Variants in AP5M1 observed in about 807,000 individuals in gnomAD.
The protein encoded by AP5M1 is AP-5 complex subunit mu-1.
Under a neutral mutation model 52.3 loss-of-function variants are expected in AP5M1, and 44 were observed. The observed-to-expected ratio is 0.84, with a 90% CI of 0.66 to 1.08. AP5M1 has a LOEUF of 1.08. Among genes scored for constraint, AP5M1 ranks in the 50% least tolerant of loss-of-function variants. The pLI is 0.00. For missense variants in AP5M1, 526 were observed against 568.4 expected (o/e 0.93, Z 0.76); for synonymous variants, 213 against 199.0 (o/e 1.07, Z -0.59).
intron 4 of AP5M1, among the ~76,000 whole-genome samples, chr14:57,282,681 A>ATTAATACATTT: frequency 1.3e-5 from 2 of 152,342 alleles, no homozygotes; most frequent in Admixed American, 1.3e-4. Context: ...ATGTGACCGT[A>ATTAATACATTT]TTAATACATT....
At chr14:57,283,454 G>A (rs1378648576) in intron 6 of AP5M1, among the ~76,000 whole-genome samples, 1 of 152,170 alleles carries the variant, frequency 6.6e-6, no homozygotes, top group African/African-American at 2.4e-5. Flanking sequence ...CAGGCATAGT[G>A]GCGGGATGTC....
intron 7 of AP5M1, 65 bp from the exon 8 acceptor site, chr14:57,288,737 G>A (rs1885367987): frequency 1.0e-6 from 1 of 955,450 alleles, no homozygotes; most frequent in South Asian, 1.4e-5. Context: ...CAAAAATCAT[G>A]ACTTTGCTCT....
chr14:57,280,843 T>G (rs1885155532), intron 3 of AP5M1, among the ~76,000 whole-genome samples: 1 of 149,318 alleles, frequency 6.7e-6, no homozygotes, highest in Non-Finnish European at 1.5e-5. Flanking sequence ...AGAGTGAGAC[T>G]CCATCTCAAA....
chr14:57,269,811 T>A (rs1278764335), intron 1 of AP5M1, among the ~76,000 whole-genome samples: 1 of 152,202 alleles, frequency 6.6e-6, no homozygotes, highest in Non-Finnish European at 1.5e-5. Flanking sequence ...TTTTATTTTT[T>A]TGTTTTTATT....
In AP5M1 at chr14:57,293,836, A is replaced by C. The variant is rs1272481032; in HGVS notation, c.*4952A>C. On this transcript the variant is annotated 3_prime_UTR_variant, in exon 8 of 8. Transcript: ENST00000261558. Reference sequence around the variant, plus strand: ...CATGTCAGTATCATGTAAGATGAAGAATATTTTAAGGGCAAATATTCAAAT... The same window carrying C: ...CATGTCAGTATCATGTAAGATGAAGCATATTTTAAGGGCAAATATTCAAAT... 1 of 151,634 alleles carries C rather than the reference A, an allele frequency of 6.6e-6. No homozygotes were observed. Among genetic ancestry groups the C allele is most frequent in the Non-Finnish European group, 1.5e-5 (1 of 67,720 alleles). 9.4% of individuals were successfully genotyped at this position (151,634 alleles called of 1,614,324 possible).
At chr14:57,286,902 C>A (rs1376244755) in intron 7 of AP5M1, among the ~76,000 whole-genome samples, 1 of 151,832 alleles carries the variant, frequency 6.6e-6, no homozygotes, top group African/African-American at 2.4e-5. Context: ...CTTCTCTATT[C>A]TATCAATAGG....
At position 57,295,024 on chromosome 14, in the gene AP5M1, G is replaced by C. The variant is rs779782193; in HGVS notation, c.*6140G>C. 3 of 151,846 alleles carry C rather than the reference G, an allele frequency of 2.0e-5. No individual in the cohort carries two copies. The highest frequency in any genetic ancestry group is 6.6e-5 in the Admixed American group (1 of 15,206). 9.4% of individuals were successfully genotyped at this position (151,846 alleles called of 1,614,324 possible). On this transcript the variant is annotated 3_prime_UTR_variant, in exon 8 of 8. Transcript: ENST00000261558. Reference sequence around the variant, plus strand: ...TTGCAGACATGGGCCTACTAAACTAGAAAGAGCATTTGAAGAGCAAAAGGC... The same window carrying C: ...TTGCAGACATGGGCCTACTAAACTACAAAGAGCATTTGAAGAGCAAAAGGC...
At chr14:57,283,057 T>C (rs951473656) in intron 5 of AP5M1, 38 bp downstream of exon 5, 2 of 1,568,332 alleles carry the variant, frequency 1.3e-6, no homozygotes, top group Middle Eastern at 1.7e-4. Context: ...TTTCTTTTCA[T>C]TTACTGTAGA....
At position 57,296,930 on chromosome 14, in the gene AP5M1, T is replaced by C. The variant is rs1447941726; in HGVS notation, c.*8046T>C. The C allele has an allele frequency of 2.6e-5, 4 of 152,052 alleles. No individual in the cohort carries two copies. Among genetic ancestry groups the C allele is most frequent in the African/African-American group, 9.7e-5 (4 of 41,422 alleles). 9.4% of individuals were successfully genotyped at this position (152,052 alleles called of 1,614,324 possible). ...TTAGCATTGTAGCGTAGGAGACTAT[T>C]TCTGTATGTTATTAGTACAGAAACT... is the stretch of plus-strand genomic sequence containing the variant. On this transcript the variant is annotated 3_prime_UTR_variant, in exon 8 of 8. Transcript: ENST00000261558.
In AP5M1 at chr14:57,282,219, T is replaced by G; in HGVS notation, c.1079T>G (p.Phe360Cys). The G allele has an allele frequency of 6.5e-7, 1 of 1,534,430 alleles. No homozygotes were observed. Among genetic ancestry groups the G allele is most frequent in the Non-Finnish European group, 8.7e-7 (1 of 1,148,472 alleles). ...NFEFCEAHIP[F>C]YNRGPITHLE... ...GAATTCTGTGAAGCCCATATACCTT[T>G]TTACAATAGGTAGGAATAAAATGCA... Residue 360 changes from phenylalanine (F) to cysteine (C), a missense_variant, in exon 4 of 8, where the codon TTT becomes TGT. Phe to Cys is a radical substitution (Grantham distance 205). Transcript: ENST00000261558.
chr14:57,274,834 A>G lies in AP5M1; in HGVS notation c.665A>G (p.Tyr222Cys), dbSNP rs1243464603. The G allele has an allele frequency of 1.9e-6, 3 of 1,614,228 alleles. No individual in the cohort carries two copies. The highest frequency in any genetic ancestry group is 2.2e-5 in the East Asian group (1 of 44,882). Residue 222 changes from tyrosine to cysteine, a missense_variant, in exon 2 of 8, where the codon TAT (tyrosine) becomes TGT (cysteine). Transcript: ENST00000261558. ...ACTGAAAAGGTAAAATCCATGCAAT[A>G]TGATAAACAGGGTATAGCAGATACA... ...SITEKVKSMQ[Y>C]DKQGIADTWQ...
In AP5M1 at chr14:57,281,847, GC is replaced by G. The variant is rs111382419; in HGVS notation, c.949-240del. On this transcript the variant is annotated intron_variant, in intron 3 of 7. Transcript: ENST00000261558. ...AGATCAGAGAACATGGAGACGGGGA[GC>G]CTGGACGAGCAAGTATAGGAACAAG... is the stretch of plus-strand genomic sequence containing the variant. 9.1e-4 allele frequency among the ~76,000 whole-genome samples: 138 copies of G among 152,314 alleles called. 2 individuals are homozygous for G. Among genetic ancestry groups the G allele is most frequent in the African/African-American group, 3.2e-3 (135 of 41,566 alleles).
intron 6 of AP5M1, among the ~76,000 whole-genome samples, chr14:57,285,651 C>T (rs548208376): frequency 6.6e-6 from 1 of 152,324 alleles, no homozygotes; most frequent in East Asian, 1.9e-4. Context: ...TAGCGCAGCT[C>T]ATTCCCTCTA....
intron 4 of AP5M1, 26 bp downstream of exon 4, chr14:57,282,254 A>G (rs1885199802): frequency 6.8e-7 from 1 of 1,479,868 alleles, no homozygotes; most frequent in East Asian, 2.6e-5. Context: ...ATATTGCCAT[A>G]ATTTCTGTCT....
rs140014549 is a variant in AP5M1, at chr14:57,277,621, T to C, written c.721-2574T>C. ...TTATAAAGGCACTAATTGTATATACTACTCTTCGTAATGCCTGCCTGCTCT... is the reference window on the plus strand; with the variant it reads ...TTATAAAGGCACTAATTGTATATACCACTCTTCGTAATGCCTGCCTGCTCT... On this transcript the variant is annotated intron_variant, in intron 2 of 7. Coordinates refer to ENST00000261558, the MANE Select transcript of AP5M1 (RefSeq NM_018229.4). Among the ~76,000 whole-genome samples, 20 of 151,952 alleles carry C rather than the reference T, an allele frequency of 1.3e-4. No homozygotes were observed. The East Asian group carries it at 3.7e-3, about 28-fold the overall frequency.
chr14:57,286,278 CA>C lies in AP5M1; in HGVS notation c.1350del (p.Val451PhefsTer11). The C allele has an allele frequency of 3.1e-6, 5 of 1,613,120 alleles. No individual in the cohort carries two copies. Among genetic ancestry groups the C allele is most frequent in the Non-Finnish European group, 4.2e-6 (5 of 1,179,334 alleles). On this transcript the variant is annotated frameshift_variant, in exon 7 of 8. Transcript: ENST00000261558. LOFTEE classifies it high-confidence loss of function. ...ACTGGATGTTATGCAGATCAGCATT[CA>C]GTTCAAGTTTTTGCATCAGGAAAAC... is the stretch of plus-strand genomic sequence containing the variant. ...TLTGCYADQH[S>X]VQVFASGKPK...
At chr14:57,282,844 G>A in intron 4 of AP5M1, 90 bp from the exon 5 acceptor site, 4 of 745,874 alleles carry the variant, frequency 5.4e-6, no homozygotes, top group Admixed American at 2.6e-5. Flanking sequence ...TGCTGTCCTT[G>A]TATTAAGTAA....
chr14:57,297,267 T>C lies in AP5M1; in HGVS notation c.*8383T>C, dbSNP rs1885572823. ...TACAAAAAAACTCCTACATACTAAC[T>C]ATATGTTTCTCCCACTGATTCCCCT... On this transcript the variant is annotated 3_prime_UTR_variant, in exon 8 of 8. Transcript: ENST00000261558. 1 of 152,082 alleles carries C rather than the reference T, an allele frequency of 6.6e-6. No individual in the cohort carries two copies. Among genetic ancestry groups the C allele is most frequent in the South Asian group, 2.1e-4 (1 of 4,830 alleles). The allele number at this position is 152,082 out of a possible 1,614,324, so 9.4% of individuals were successfully genotyped here. A position where few individuals can be genotyped will look rare whatever the true frequency, so the allele number is the denominator to read the frequency against.
intron 1 of AP5M1, among the ~76,000 whole-genome samples, chr14:57,270,434 T>A (rs1464711821): frequency 2.6e-5 from 4 of 152,182 alleles, no homozygotes; most frequent in Admixed American, 2.0e-4. Flanking sequence ...CATAGTAGAA[T>A]TGAGATTGAG....
Sources: gnomAD v4.1 joint callset for allele counts (sites outside exome capture counted in the v4.1 genomes callset) on GRCh38, gnomAD v4.1.1 for gene constraint, MANE v1.5 for transcripts, NCBI Gene and HGNC (gene_info 2026-07-23, HGNC 2026-07-21) for gene names.